LMNA: variants seen among roughly 807,000 people sequenced by gnomAD.
LMNA encodes the protein lamin A/C.
LMNA carries 20 observed loss-of-function variants against 70.4 expected under a neutral mutation model. The ratio of observed to expected loss-of-function variants is 0.28; its 90% CI spans 0.20 to 0.41. The LOEUF (loss-of-function observed/expected upper bound fraction) is 0.41. Ranked by LOEUF, LMNA falls within the 10% of genes least tolerant of loss-of-function variation. LMNA has a pLI of 1.00. For missense variants in LMNA, 652 were observed against 917.2 expected, an observed-to-expected ratio of 0.71 and a Z score of 3.73; for synonymous variants, 339 against 372.8, an observed-to-expected ratio of 0.91 and a Z score of 1.04.
intron 1 of LMNA, among the ~76,000 whole-genome samples, chr1:156,116,171 G>C (rs1243530928): frequency 6.6e-6 from 1 of 152,198 alleles, no homozygotes; most frequent in Non-Finnish European, 1.5e-5. Flanking sequence ...TCCTTGGGGT[G>C]AGCCACTTTC....
chr1:156,139,976 G>A lies in LMNA; in HGVS notation c.*870G>A. 2 of 759,442 alleles carry A rather than the reference G, an allele frequency of 2.6e-6. No individual in the cohort carries two copies. The highest frequency in any genetic ancestry group is 4.0e-6 in the Non-Finnish European group (2 of 498,878). The allele number at this position is 759,442 out of a possible 1,614,324, so 47.0% of individuals were successfully genotyped here. ...GTGGAGGAGGAAGGCAAGAGGGGGT[G>A]GAGGGGTGTGGCAGTGGTTTTGGCA... On this transcript the variant is annotated 3_prime_UTR_variant, in exon 12 of 12. Transcript: ENST00000368300.
Position 156,139,581 on chromosome 1 carries a change from C to T in LMNA, c.*475C>T, listed in dbSNP as rs1029736933. 91 of 1,403,168 alleles carry T rather than the reference C, an allele frequency of 6.5e-5. 2 individuals carry two copies. Among genetic ancestry groups the T allele is most frequent in the South Asian group, 6.2e-4 (41 of 66,400 alleles). 86.9% of individuals were successfully genotyped at this position (1,403,168 alleles called of 1,614,324 possible). Reference sequence around the variant, plus strand: ...GGCAGGCTCACTGCCAGGCCAGCCTCCGAGAGGGAGAGAGAGAGAGAGAGG... The same window carrying T: ...GGCAGGCTCACTGCCAGGCCAGCCTTCGAGAGGGAGAGAGAGAGAGAGAGG... On this transcript the variant is annotated 3_prime_UTR_variant, in exon 12 of 12. Transcript: ENST00000368300.
chr1:156,138,397 G>A lies in LMNA; in HGVS notation c.1699-91G>A. The A allele has an allele frequency of 7.0e-7, 1 of 1,437,738 alleles. No individual in the cohort carries two copies. The highest frequency in any genetic ancestry group is 1.4e-5 in the African/African-American group (1 of 71,018). 89.1% of individuals were successfully genotyped at this position (1,437,738 alleles called of 1,614,324 possible). On this transcript the variant is annotated intron_variant, in intron 10 of 11. Coordinates refer to ENST00000368300, the MANE Select transcript of LMNA (RefSeq NM_170707.4). This position sits in a 1 kb window ranked among gnomAD's most constrained non-coding sequence, Gnocchi z 5.5. ...CAGAACCACACCTTCCTGCCTGGCGGCTGGGAGCCTGCAGGAGCCTGGAGC... is the reference window on the plus strand; with the variant it reads ...CAGAACCACACCTTCCTGCCTGGCGACTGGGAGCCTGCAGGAGCCTGGAGC...
chr1:156,118,389 C>G lies in LMNA; in HGVS notation c.356+3115C>G, dbSNP rs571690582. On this transcript the variant is annotated intron_variant, in intron 1 of 11. Coordinates refer to ENST00000368300, the MANE Select transcript of LMNA (RefSeq NM_170707.4). ...TGCCTCCTAGTGCAGCTGTCCAGGC[C>G]TGGGACACCAGGCGGGTATGTGCGC... 3.7e-4 allele frequency among the ~76,000 whole-genome samples: 57 copies of G among 152,306 alleles called. 1 individual carries two copies. In the East Asian group the frequency reaches 0.011, roughly 29 times the overall value.
rs540220962 is a variant in LMNA, at chr1:156,102,903, G to T, written c.-206-11810G>T. Among the ~76,000 whole-genome samples, 3 of 152,270 alleles carry T rather than the reference G, an allele frequency of 2.0e-5. No individual in the cohort carries two copies. The East Asian group carries it at 5.8e-4, about 29-fold the overall frequency. On this transcript the variant is annotated intron_variant, in intron 3 of 12. Coordinates refer to the LMNA transcript ENST00000368301. ...ATATGCTGTGTCTATAGGTCTTCCC[G>T]TAACTGCTGCGTCCCGGCCCACCCT... is the stretch of plus-strand genomic sequence containing the variant.
intron 1 of LMNA, among the ~76,000 whole-genome samples, chr1:156,116,437 G>T (rs1649832507): frequency 7.2e-6 from 1 of 138,798 alleles, no homozygotes; most frequent in African/African-American, 2.7e-5. Context: ...ATCAAAATTT[G>T]TTTCCCTTCT....
rs1321220871 is a variant in LMNA at position 156,135,300 on chromosome 1, G to T, written c.924G>T (p.Gln308His). Residue 308 changes from glutamine (Q) to histidine (H), a missense_variant, in exon 5 of 12, where the codon CAG becomes CAT. Around this residue, in one of 4 missense-constraint regions of LMNA, gnomAD observed 254 missense variants for 421.9 expected, o/e 0.60. Transcript: ENST00000368300. This position sits in a 1 kb window ranked among gnomAD's most constrained non-coding sequence, Gnocchi z 4.8. ...RIDSLSAQLS[Q>H]LQKQLAAKEA... ...ACAGCCTCTCTGCCCAGCTCAGCCA[G>T]CTCCAGAAGCAGGTGATACCCCACC... 1.2e-6 allele frequency: 2 copies of T among 1,610,832 alleles called. No individual in the cohort carries two copies. Among genetic ancestry groups the T allele is most frequent in the African/African-American group, 1.3e-5 (1 of 74,822 alleles).
intron 2 of LMNA, among the ~76,000 whole-genome samples, chr1:156,132,195 C>T (rs1359053979): frequency 5.9e-5 from 9 of 151,544 alleles, no homozygotes; most frequent in Non-Finnish European, 1.0e-4. Flanking sequence ...AATAGCCAGG[C>T]ACGGTGGCTC....
chr1:156,136,556 C>A lies in LMNA; in HGVS notation c.1380+120C>A. 9.7e-7 allele frequency: 1 copy of A among 1,031,754 alleles called. No individual in the cohort carries two copies. Among genetic ancestry groups the A allele is most frequent in the Non-Finnish European group, 1.5e-6 (1 of 687,746 alleles). The allele number at this position is 1,031,754 out of a possible 1,614,324, so 63.9% of individuals were successfully genotyped here. On this transcript the variant is annotated intron_variant, in intron 7 of 11. Coordinates refer to ENST00000368300, the MANE Select transcript of LMNA (RefSeq NM_170707.4). This position sits in a 1 kb window ranked among gnomAD's most constrained non-coding sequence, Gnocchi z 6.1. Reference sequence around the variant, plus strand: ...CCTCAGAGGGTGGACCAGGGTGAGCCTGTATATCTCCTCCACACTCTGGTT... The same window carrying A: ...CCTCAGAGGGTGGACCAGGGTGAGCATGTATATCTCCTCCACACTCTGGTT...
At chr1:156,117,836 G>A (rs2102825869) in intron 1 of LMNA, among the ~76,000 whole-genome samples, 1 of 152,156 alleles carries the variant, frequency 6.6e-6, no homozygotes, top group African/African-American at 2.4e-5. Context: ...GCCTTGCCCT[G>A]TTGCTCAGGC....
In LMNA at chr1:156,137,914, G is replaced by A; in HGVS notation, c.1698+171G>A. 2.1e-6 allele frequency: 3 copies of A among 1,419,452 alleles called. No homozygotes were observed. The East Asian group carries it at 7.5e-5, about 35-fold the overall frequency. 87.9% of individuals were successfully genotyped at this position (1,419,452 alleles called of 1,614,324 possible). On this transcript the variant is annotated intron_variant, in intron 10 of 11. Transcript: ENST00000368300. This position sits in a 1 kb window ranked among gnomAD's most constrained non-coding sequence, Gnocchi z 4.6. ...TCTCTCCTCCCTATACCTTGAACAG[G>A]GAACCCAGGTGTCTGGGTGCCCTAC...
chr1:156,115,299 G>A lies in LMNA; in HGVS notation c.356+25G>A, dbSNP rs549541710. The A allele has an allele frequency of 1.3e-6, 2 of 1,580,114 alleles. No individual in the cohort carries two copies. The highest frequency in any genetic ancestry group is 1.7e-6 in the Non-Finnish European group (2 of 1,167,716). On this transcript the variant is annotated intron_variant, in intron 1 of 11. Coordinates refer to ENST00000368300, the MANE Select transcript of LMNA (RefSeq NM_170707.4). The surrounding 1 kb of genome is among the most constrained non-coding windows in gnomAD (Gnocchi z 5.8). ...GGTGAGTTCGCCCAGGTGGCTGCGT[G>A]CCTGGCGGGGAGTGGAGAGGGCGGC...
At chr1:156,131,462 C>T (rs577381209) in intron 2 of LMNA, among the ~76,000 whole-genome samples, 2 of 152,016 alleles carry the variant, frequency 1.3e-5, no homozygotes, top group East Asian at 1.9e-4. Context: ...TGGTGGTGTG[C>T]ACCTATAGTC....
chr1:156,083,783 C>A lies in LMNA; in HGVS notation c.-319+599C>A, dbSNP rs535294321. ...GCAGAGTGAGACTCCGTCCCCCCCA[C>A]AAAAAAACAAAAACAAAACAAACAA... On this transcript the variant is annotated intron_variant, in intron 2 of 12. Coordinates refer to the LMNA transcript ENST00000368301. 5.9e-5 allele frequency among the ~76,000 whole-genome samples: 9 copies of A among 151,838 alleles called. No individual in the cohort carries two copies. The South Asian group carries it at 1.9e-3, about 32-fold the overall frequency.
rs374853490 is a variant in LMNA at position 156,138,850 on chromosome 1, CCTTCT to C, written c.1968+98_1968+102del. On this transcript the variant is annotated intron_variant, in intron 11 of 11. Transcript: ENST00000368300. The surrounding 1 kb of genome is among the most constrained non-coding windows in gnomAD (Gnocchi z 5.5). ...GTGGCCTTGCAGGGGGGAGAGCCTG[CCTTCT>C]CTTCCGCAGCCCGGGGGAGTGGGAG... is the stretch of plus-strand genomic sequence containing the variant. 5.6e-5 allele frequency: 86 copies of C among 1,538,744 alleles called. No individual in the cohort carries two copies. The African/African-American group carries it at 9.3e-4, about 17-fold the overall frequency.
chr1:156,117,325 C>T (rs1403800136), intron 1 of LMNA, among the ~76,000 whole-genome samples: 1 of 151,924 alleles, frequency 6.6e-6, no homozygotes, highest in Non-Finnish European at 1.5e-5. Flanking sequence ...ACCTCTGCCT[C>T]CCAGGTTCAA....
intron 3 of LMNA, among the ~76,000 whole-genome samples, chr1:156,099,206 C>T (rs968695366): frequency 2.0e-5 from 3 of 152,248 alleles, no homozygotes; most frequent in Admixed American, 2.0e-4. Context: ...CTCCTAGGAG[C>T]TACTAGCCTT....
chr1:156,126,540 G>A, intron 1 of LMNA: 1 of 736,908 alleles, frequency 1.4e-6, no homozygotes, highest in African/African-American at 1.7e-5. Flanking sequence ...TGCTGTGCTG[G>A]TGCCTTTCTT....
At chr1:156,086,422 CTCTT>C (rs1277079365) in intron 2 of LMNA, among the ~76,000 whole-genome samples, 1 of 151,910 alleles carries the variant, frequency 6.6e-6, no homozygotes, top group Non-Finnish European at 1.5e-5. Flanking sequence ...CTCTCTCTCT[CTCTT>C]TTGTCTTTCT....
Sources: gnomAD v4.1 joint callset for allele counts (sites outside exome capture counted in the v4.1 genomes callset) on GRCh38, gnomAD v4.1.1 for gene constraint, gnomAD v4.1.1 regional missense constraint, Gnocchi (gnomAD v3.1) non-coding constraint, MANE v1.5 for transcripts, NCBI Gene and HGNC (gene_info 2026-07-23, HGNC 2026-07-21) for gene names.